ARHGAP6: variants seen among roughly 807,000 people sequenced by gnomAD.
ARHGAP6 encodes the protein Rho GTPase activating protein 6.
A neutral mutation model predicts 55.7 loss-of-function variants in ARHGAP6; 16 were observed. The ratio of observed to expected loss-of-function variants is 0.29; its 90% CI spans 0.19 to 0.44. The LOEUF (loss-of-function observed/expected upper bound fraction) is 0.44. ARHGAP6 is among the 20% of genes least tolerant of loss of function. The pLI is 1.00. For synonymous variants in ARHGAP6, 382 were observed against 360.9 expected (o/e 1.06, Z -0.66); for missense variants, 698 against 808.9 (o/e 0.86, Z 1.66).
At chrX:11,347,223 T>C in intron 1 of ARHGAP6, among the ~76,000 whole-genome samples, 1 of 112,548 alleles carries the variant, frequency 8.9e-6, no homozygotes, top group Admixed American at 9.4e-5. Context: ...TAATCTTTTC[T>C]TTCAGTCCTT....
rs763336211 is a variant in ARHGAP6, at chrX:11,213,299, C to A, written c.749-16303G>T. ...GCATCCTTTTTATCAATGGATTGTG[C>A]TTTTATGTTTTATCTAAGAAAATTG... On this transcript the variant is annotated intron_variant, in intron 2 of 12. Coordinates refer to ENST00000337414, the MANE Select transcript of ARHGAP6 (RefSeq NM_013427.3). Among the ~76,000 whole-genome samples, 15 of 112,757 alleles carry A rather than the reference C, an allele frequency of 1.3e-4. 1 individual carries two copies. In the East Asian group the frequency reaches 4.2e-3, roughly 31 times the overall value.
At chrX:11,318,299 T>TTA (rs1295914589) in intron 1 of ARHGAP6, among the ~76,000 whole-genome samples, 33 of 112,176 alleles carry the variant, frequency 2.9e-4, no homozygotes, top group Admixed American at 2.9e-3. Context: ...TTTTACTGTT[T>TTA]TATATATATA....
At chrX:11,503,730 C>T (rs981460188) in intron 1 of ARHGAP6, among the ~76,000 whole-genome samples, 30 of 111,218 alleles carry the variant, frequency 2.7e-4, no homozygotes, top group African/African-American at 9.2e-4. Flanking sequence ...AAAGACAATA[C>T]CCAGAATGTA....
At chrX:11,524,262 A>G (rs890326115) in intron 1 of ARHGAP6, among the ~76,000 whole-genome samples, 1 of 111,752 alleles carries the variant, frequency 8.9e-6, no homozygotes, top group Non-Finnish European at 1.9e-5. Flanking sequence ...TCAATGGAAC[A>G]TGAGAGGAAG....
At chrX:11,398,018 T>C (rs770311331) in intron 1 of ARHGAP6, among the ~76,000 whole-genome samples, 2 of 111,682 alleles carry the variant, frequency 1.8e-5, no homozygotes, top group Non-Finnish European at 3.8e-5. Context: ...TTCTTTGAGA[T>C]AAAGACTAGA....
chrX:11,280,381 T>C (rs1023228406), intron 1 of ARHGAP6, among the ~76,000 whole-genome samples: 7 of 111,529 alleles, frequency 6.3e-5, no homozygotes, highest in African/African-American at 2.3e-4. Flanking sequence ...CACTAGGTCA[T>C]TTTATCTTTT....
chrX:11,664,927 CGGGG>C lies in ARHGAP6; in HGVS notation c.-103_-100del. 2 of 888,765 alleles carry C rather than the reference CGGGG, an allele frequency of 2.3e-6. No homozygotes were observed. Among genetic ancestry groups the C allele is most frequent in the Non-Finnish European group, 3.0e-6 (2 of 657,221 alleles). The allele number at this position is 888,765 out of a possible 1,213,427, so 73.2% of individuals were successfully genotyped here. A position where few individuals can be genotyped will look rare whatever the true frequency, so the allele number is the denominator to read the frequency against. ...AAGGGACTCAGGCAAAGGTGCCAGGCGGGGCTGGCCCGGGGTTTGCCCAGGGCAG... is the reference window on the plus strand; with the variant it reads ...AAGGGACTCAGGCAAAGGTGCCAGGCCTGGCCCGGGGTTTGCCCAGGGCAG... On this transcript the variant is annotated 5_prime_UTR_variant, in exon 1 of 13. Transcript: ENST00000337414.
At chrX:11,159,310 TG>T (rs1156559271) in intron 9 of ARHGAP6, among the ~76,000 whole-genome samples, 1 of 111,409 alleles carries the variant, frequency 9.0e-6, no homozygotes, top group Admixed American at 9.5e-5. Context: ...TCACTCTGGC[TG>T]CTGAGTTGAG....
At chrX:11,143,754 T>G in intron 11 of ARHGAP6, 2 of 1,130,164 alleles carry the variant, frequency 1.8e-6, no homozygotes, top group Non-Finnish European at 2.3e-6. Flanking sequence ...ATCTGAGACT[T>G]GGAGTGTGGC....
chrX:11,181,286 T>G (rs1277155802), intron 6 of ARHGAP6, among the ~76,000 whole-genome samples: 1 of 112,484 alleles, frequency 8.9e-6, no homozygotes, highest in Non-Finnish European at 1.9e-5. Context: ...CTTTCAATAA[T>G]ATGAACAAAT....
At chrX:11,312,396 CA>C (rs1405360743) in intron 1 of ARHGAP6, among the ~76,000 whole-genome samples, 2 of 111,701 alleles carry the variant, frequency 1.8e-5, no homozygotes, top group South Asian at 3.7e-4. Flanking sequence ...AGCCATTATA[CA>C]AAAAAACATG....
chrX:11,593,992 TG>T (rs2051870918), intron 1 of ARHGAP6, among the ~76,000 whole-genome samples: 1 of 112,607 alleles, frequency 8.9e-6, no homozygotes, highest in African/African-American at 3.2e-5. Flanking sequence ...ATTCATCACA[TG>T]CTGATGAAGT....
At chrX:11,222,734 G>A (rs1381568925) in intron 2 of ARHGAP6, among the ~76,000 whole-genome samples, 1 of 111,641 alleles carries the variant, frequency 9.0e-6, no homozygotes, top group Non-Finnish European at 1.9e-5. Flanking sequence ...TGTGTATTAT[G>A]TTATGTCTAC....
At chrX:11,156,761 C>T in intron 9 of ARHGAP6, 135 bp from the exon 10 acceptor site, 1 of 483,585 alleles carries the variant, frequency 2.1e-6, no homozygotes, top group Non-Finnish European at 3.5e-6. Context: ...CTGGTTAAAA[C>T]CAAACCTACG....
At chrX:11,501,717 C>A (rs766969337) in intron 1 of ARHGAP6, among the ~76,000 whole-genome samples, 11 of 111,006 alleles carry the variant, frequency 9.9e-5, no homozygotes, top group African/African-American at 3.0e-4. Flanking sequence ...ATAAAGTAGG[C>A]TAGAAAAAAG....
chrX:11,346,757 GAGAAAGA>G, intron 1 of ARHGAP6, among the ~76,000 whole-genome samples: 1 of 46,865 alleles, frequency 2.1e-5, no homozygotes, highest in Non-Finnish European at 4.4e-5. Flanking sequence ...GAAAGAAAGA[GAGAAAGA>G]AAAGAAAAGA....
intron 1 of ARHGAP6, among the ~76,000 whole-genome samples, chrX:11,352,149 A>C (rs1228556206): frequency 8.9e-6 from 1 of 112,770 alleles, no homozygotes. Flanking sequence ...AGTGGAACTT[A>C]CGTGTAGAAA....
At chrX:11,346,558 A>G (rs760169822) in intron 1 of ARHGAP6, among the ~76,000 whole-genome samples, 7 of 110,506 alleles carry the variant, frequency 6.3e-5, no homozygotes, top group South Asian at 7.8e-4. Context: ...TCTCTACAAA[A>G]ATTAGCCAGG....
At chrX:11,593,844 C>T (rs2051869446) in intron 1 of ARHGAP6, among the ~76,000 whole-genome samples, 1 of 112,370 alleles carries the variant, frequency 8.9e-6, no homozygotes, top group South Asian at 3.7e-4. Flanking sequence ...TGACCTAGAG[C>T]CTTGGCCAGG....
Sources: gnomAD v4.1 joint callset for allele counts (sites outside exome capture counted in the v4.1 genomes callset) on GRCh38, gnomAD v4.1.1 for gene constraint, MANE v1.5 for transcripts, NCBI Gene and HGNC (gene_info 2026-07-23, HGNC 2026-07-21) for gene names.